Variants in WIPF1 observed in about 807,000 individuals in gnomAD.
WIPF1 encodes WAS/WASL interacting protein family member 1.
WIPF1 carries 13 observed loss-of-function variants against 35.4 expected under a neutral mutation model. The observed-to-expected ratio is 0.37, with a 90% CI of 0.24 to 0.58. WIPF1 has a LOEUF of 0.58. WIPF1 is among the 20% of genes least tolerant of loss of function. The pLI, the probability that WIPF1 is intolerant of heterozygous loss-of-function variation, is 0.74. For synonymous variants in WIPF1, 267 were observed against 266.3 expected, an observed-to-expected ratio of 1.00 and a Z score of -0.02; for missense variants, 591 against 667.0, an observed-to-expected ratio of 0.89 and a Z score of 1.25.
intron 3 of WIPF1, 143 bp from the exon 4 acceptor site, chr2:174,575,523 G>A (rs1685029807): frequency 7.1e-7 from 1 of 1,409,566 alleles, no homozygotes; most frequent in African/African-American, 1.4e-5. Flanking sequence ...AGGATTTTAA[G>A]AGTTCCCTCA....
chr2:174,607,734 C>T (rs1217820853), intron 1 of WIPF1, among the ~76,000 whole-genome samples: 3 of 152,080 alleles, frequency 2.0e-5, no homozygotes, highest in Admixed American at 1.3e-4. Context: ...TCACTCCACT[C>T]ATGTTCTGCA....
At chr2:174,592,275 C>T (rs918452413) in intron 1 of WIPF1, among the ~76,000 whole-genome samples, 3 of 152,144 alleles carry the variant, frequency 2.0e-5, no homozygotes, top group African/African-American at 4.8e-5. Flanking sequence ...CTCCAAAGGC[C>T]GGTCTCTAAT....
intron 1 of WIPF1, among the ~76,000 whole-genome samples, chr2:174,591,513 T>C (rs1390567461): frequency 6.6e-6 from 1 of 152,178 alleles, no homozygotes; most frequent in Non-Finnish European, 1.5e-5. Flanking sequence ...GAATGAATCA[T>C]TCAAAAATAA....
At chr2:174,675,103 T>C (rs922539416) in intron 1 of WIPF1, among the ~76,000 whole-genome samples, 1 of 152,202 alleles carries the variant, frequency 6.6e-6, no homozygotes, top group African/African-American at 2.4e-5. Context: ...TGTGGCATAA[T>C]GTATTAATAA....
At chr2:174,566,346 A>T (rs904639403) in intron 7 of WIPF1, 3 of 152,200 alleles carry the variant, frequency 2.0e-5, no homozygotes, top group African/African-American at 7.2e-5. Flanking sequence ...TTCTTCTTCA[A>T]TGGAGGAAAA....
intron 1 of WIPF1, among the ~76,000 whole-genome samples, chr2:174,649,197 G>A (rs1034710263): frequency 4.6e-5 from 7 of 152,060 alleles, no homozygotes; most frequent in African/African-American, 1.7e-4. Flanking sequence ...AAAAATACAC[G>A]TATTTCAGAT....
At chr2:174,597,393 C>G (rs1685853122) in intron 1 of WIPF1, among the ~76,000 whole-genome samples, 4 of 152,202 alleles carry the variant, frequency 2.6e-5, no homozygotes. Context: ...ATCTTGCTTA[C>G]ATTTTGGCTC....
chr2:174,597,070 A>C (rs1484932687), intron 1 of WIPF1, among the ~76,000 whole-genome samples: 3 of 152,234 alleles, frequency 2.0e-5, no homozygotes, highest in Admixed American at 2.0e-4. Flanking sequence ...ACTTATTCTA[A>C]AAGACAAATC....
At chr2:174,617,643 T>A (rs570746644) in intron 1 of WIPF1, among the ~76,000 whole-genome samples, 2 of 152,234 alleles carry the variant, frequency 1.3e-5, no homozygotes, top group South Asian at 2.1e-4. Context: ...AAAAGTTGAG[T>A]CCATGGCAGC....
At chr2:174,681,309 C>T (rs182908077) in intron 1 of WIPF1, among the ~76,000 whole-genome samples, 71 of 152,232 alleles carry the variant, frequency 4.7e-4, no homozygotes, top group African/African-American at 1.6e-3. Flanking sequence ...TCCAGGTCCC[C>T]GAGAAACTCA....
Position 174,572,098 on chromosome 2 carries a change from C to T in WIPF1, c.707G>A (p.Arg236His), listed in dbSNP as rs1412093478. The change falls in exon 5 of 8, where the codon CGT becomes CAT. Residue 236 changes from arginine (R) to histidine (H), a missense_variant. Transcript: ENST00000679041. The part of the protein sequence containing the change: ...RGTALGGGSI[R>H]QSPLSSSSPF... The stretch of plus-strand genomic sequence containing the variant: ...CGAGGAGGAGCTCAAGGGGGACTGA[C>T]GTATTGAGCCTCCTCCCAAAGCAGT... The T allele has an allele frequency of 1.9e-6, 3 of 1,591,794 alleles. No individual in the cohort carries two copies. Among genetic ancestry groups the T allele is most frequent in the Admixed American group, 1.7e-5 (1 of 57,214 alleles).
Position 174,567,194 on chromosome 2 carries a change from A to G in WIPF1, c.1343-11T>C. Reference sequence around the variant, plus strand: ...TGCTTTCCCACTCATCTGGGAAGAGAAACAAGCAGTATCTTCAGTGACAGA... The same window carrying G: ...TGCTTTCCCACTCATCTGGGAAGAGGAACAAGCAGTATCTTCAGTGACAGA... On this transcript the variant is annotated splice_polypyrimidine_tract_variant and intron_variant, in intron 6 of 7. Coordinates refer to ENST00000679041, the MANE Select transcript of WIPF1 (RefSeq NM_001375834.1). 1 of 1,611,274 alleles carries G rather than the reference A, an allele frequency of 6.2e-7. No individual in the cohort carries two copies. The highest frequency in any genetic ancestry group is 1.1e-5 in the South Asian group (1 of 91,006).
intron 1 of WIPF1, among the ~76,000 whole-genome samples, chr2:174,644,826 C>T (rs924892606): frequency 2.6e-5 from 4 of 152,150 alleles, no homozygotes; most frequent in African/African-American, 9.7e-5. Context: ...TCAGGAGGCA[C>T]AGTAGTAAAC....
In WIPF1 at chr2:174,572,273, A is replaced by T. The variant is rs1032524616; in HGVS notation, c.532T>A (p.Ser178Thr). 6 of 1,613,866 alleles carry T rather than the reference A, an allele frequency of 3.7e-6. No individual in the cohort carries two copies. Among genetic ancestry groups the T allele is most frequent in the Admixed American group, 3.3e-5 (2 of 59,996 alleles). Residue 178 changes from serine to threonine, a missense_variant, in exon 5 of 8, where the codon TCA (serine) becomes ACA (threonine). This residue lies in a region of WIPF1 where 471 missense variants were observed against 501.1 expected (regional missense o/e 0.94). Coordinates refer to ENST00000679041, the MANE Select transcript of WIPF1 (RefSeq NM_001375834.1). ...RMPPPRPDVG[S>T]KPDSIPPPVP... ...GGAGGAGGAATGCTATCAGGCTTTG[A>T]GCCCACGTCGGGCCTTGGGGGCGGC...
intron 1 of WIPF1, chr2:174,587,694 C>T (rs1030531308): frequency 6.6e-5 from 10 of 152,258 alleles, no homozygotes; most frequent in African/African-American, 2.4e-4. Flanking sequence ...CGGAAGCCAG[C>T]ATCGCTGTGC....
rs1408178933 is a variant in WIPF1 at position 174,572,166 on chromosome 2, G to A, written c.639C>T (p.Pro213=). ...AAGGGGGAGGAGTGGGCCCGGGGCT[G>A]GGCTGCCTGGGGCCTCCGGGCACTG... The part of the protein sequence containing the change: ...SPPVPGGPRQ[P]SPGPTPPPFP... The change falls in exon 5 of 8, where the codon CCC becomes CCT. Residue 213 remains proline (P), a synonymous_variant. Coordinates refer to ENST00000679041, the MANE Select transcript of WIPF1 (RefSeq NM_001375834.1). 6.2e-7 allele frequency: 1 copy of A among 1,613,802 alleles called. No homozygotes were observed. The highest frequency in any genetic ancestry group is 2.2e-5 in the East Asian group (1 of 44,888).
intron 1 of WIPF1, among the ~76,000 whole-genome samples, chr2:174,616,326 T>G (rs1238939817): frequency 2.6e-5 from 4 of 152,086 alleles, no homozygotes; most frequent in African/African-American, 9.7e-5. Flanking sequence ...GAAAATACAC[T>G]GAAAGAGAAT....
chr2:174,600,725 TCCA>T (rs889889493), upstream of WIPF1, among the ~76,000 whole-genome samples: 4 of 152,174 alleles, frequency 2.6e-5, no homozygotes, highest in Admixed American at 2.6e-4. Flanking sequence ...TATGTTTCTC[TCCA>T]CTAGAATTCA....
intron 1 of WIPF1, among the ~76,000 whole-genome samples, chr2:174,587,295 G>A (rs1418997742): frequency 3.3e-5 from 5 of 152,260 alleles, no homozygotes; most frequent in African/African-American, 7.2e-5. Context: ...GGGATTACAG[G>A]TGTGAGCCAC....
Sources: allele counts gnomAD v4.1 joint callset (sites outside exome capture counted in the v4.1 genomes callset), GRCh38; gene constraint gnomAD v4.1.1; regional missense constraint gnomAD v4.1.1; transcripts MANE v1.5; gene names NCBI Gene and HGNC (gene_info 2026-07-23, HGNC 2026-07-21).